The following DAB1 variants were observed in gnomAD, a reference collection of about 807,000 sequenced individuals.
DAB1 encodes DAB adaptor protein 1.
DAB1 carries 15 observed loss-of-function variants against 64.6 expected under a neutral mutation model. The ratio of observed to expected loss-of-function variants is 0.23; its 90% CI spans 0.16 to 0.36. The LOEUF (loss-of-function observed/expected upper bound fraction) is 0.36, where lower values mean the gene tolerates loss of function less well. DAB1 is among the 10% of genes least tolerant of loss of function. The pLI is 1.00. For missense variants in DAB1, 596 were observed against 706.7 expected, an observed-to-expected ratio of 0.84 and a Z score of 1.78; for synonymous variants, 235 against 251.9, an observed-to-expected ratio of 0.93 and a Z score of 0.64.
At chr1:57,935,292 C>T (rs1645009392) in intron 5 of DAB1, among the ~76,000 whole-genome samples, 1 of 152,202 alleles carries the variant, frequency 6.6e-6, no homozygotes, top group Non-Finnish European at 1.5e-5. Flanking sequence ...CTAAACCTCT[C>T]TTTCTGCATC....
chr1:58,169,560 TA>T (rs1656049574), intron 4 of DAB1, among the ~76,000 whole-genome samples: 1 of 152,136 alleles, frequency 6.6e-6, no homozygotes, highest in Admixed American at 6.5e-5. Context: ...ATTACAATAT[TA>T]TTCTGCAGCT....
At chr1:57,799,585 TG>T (rs10718934) in intron 6 of DAB1, among the ~76,000 whole-genome samples, 55,687 of 146,414 alleles carry the variant, frequency 0.38, 10,969 homozygotes, top group South Asian at 0.5. Context: ...AAAAAAGATC[TG>T]GGGGGGGCTT....
intron 5 of DAB1, among the ~76,000 whole-genome samples, chr1:58,066,614 G>A (rs1433866900): frequency 6.6e-6 from 1 of 152,118 alleles, no homozygotes; most frequent in Non-Finnish European, 1.5e-5. Context: ...TGAGTAACTT[G>A]GCCAAGGTTG....
chr1:57,109,262 CT>C (rs1655439344), intron 4 of DAB1, among the ~76,000 whole-genome samples: 1 of 152,226 alleles, frequency 6.6e-6, no homozygotes, highest in African/African-American at 2.4e-5. Flanking sequence ...ACTTTGTCCT[CT>C]TCTCCTCTAG....
rs192216986 is a variant in DAB1 at position 57,924,410 on chromosome 1, C to A, written n.388-40248G>T. ...GGAGTCAGACAGTCATGAAGGTGAA[C>A]CCCTGAATCTCCTAGCTTCTCACTG... On this transcript the variant is annotated intron_variant and non_coding_transcript_variant, in intron 5 of 20. Transcript: ENST00000485760. 2.6e-5 allele frequency among the ~76,000 whole-genome samples: 4 copies of A among 152,264 alleles called. No individual in the cohort carries two copies. The East Asian group carries it at 7.7e-4, about 29-fold the overall frequency.
At chr1:57,730,283 G>A (rs1006034310) in intron 6 of DAB1, among the ~76,000 whole-genome samples, 3 of 152,198 alleles carry the variant, frequency 2.0e-5, no homozygotes, top group African/African-American at 7.2e-5. Context: ...TAATACACTT[G>A]TTCTGTTAGG....
chr1:58,245,649 C>A (rs1660494257), intron 4 of DAB1, among the ~76,000 whole-genome samples: 1 of 151,706 alleles, frequency 6.6e-6, no homozygotes, highest in African/African-American at 2.4e-5. Flanking sequence ...TTTTTTCTGA[C>A]CTGACCAATT....
intron 1 of DAB1, among the ~76,000 whole-genome samples, chr1:57,295,005 T>C (rs1017321111): frequency 6.6e-6 from 1 of 152,174 alleles, no homozygotes; most frequent in Non-Finnish European, 1.5e-5. Flanking sequence ...ATTTCACTTA[T>C]ATGAAATATC....
At chr1:58,461,799 G>A (rs1297184778) in intron 3 of DAB1, among the ~76,000 whole-genome samples, 1 of 152,168 alleles carries the variant, frequency 6.6e-6, no homozygotes, top group Non-Finnish European at 1.5e-5. Flanking sequence ...GATGAGAAAT[G>A]CGCTGATTTT....
At chr1:58,489,180 T>A (rs988721344) in intron 3 of DAB1, among the ~76,000 whole-genome samples, 1 of 152,140 alleles carries the variant, frequency 6.6e-6, no homozygotes, top group East Asian at 1.9e-4. Context: ...GGTCAGGGAA[T>A]TCCCTTTCCT....
intron 1 of DAB1, among the ~76,000 whole-genome samples, chr1:57,399,574 C>T (rs1683075708): frequency 6.6e-6 from 1 of 152,174 alleles, no homozygotes; most frequent in African/African-American, 2.4e-5. Context: ...GACCTAAATG[C>T]CTCTCATCAG....
intron 5 of DAB1, among the ~76,000 whole-genome samples, chr1:57,945,571 C>A (rs1645173469): frequency 6.6e-6 from 1 of 152,080 alleles, no homozygotes; most frequent in Non-Finnish European, 1.5e-5. Context: ...TGTGCCACCA[C>A]ACTTGGCCTG....
chr1:58,293,694 T>C (rs571060506), intron 4 of DAB1, among the ~76,000 whole-genome samples: 1 of 151,844 alleles, frequency 6.6e-6, no homozygotes, highest in African/African-American at 2.4e-5. Context: ...CCCAAGAGGG[T>C]TGTTTGGAAA....
At chr1:58,084,769 A>G (rs1650200321) in intron 5 of DAB1, among the ~76,000 whole-genome samples, 1 of 149,436 alleles carries the variant, frequency 6.7e-6, no homozygotes, top group Non-Finnish European at 1.5e-5. Context: ...AATTTTATAT[A>G]TTACATATTA....
intron 5 of DAB1, among the ~76,000 whole-genome samples, chr1:58,006,287 T>A (rs1646581682): frequency 6.6e-6 from 1 of 152,228 alleles, no homozygotes; most frequent in African/African-American, 2.4e-5. Context: ...GGCAAGTTAC[T>A]TCTTTGTGCC....
intron 6 of DAB1, among the ~76,000 whole-genome samples, chr1:57,813,432 T>C (rs759725801): frequency 1.6e-4 from 24 of 152,204 alleles, no homozygotes; most frequent in Admixed American, 3.3e-4. Context: ...ACACTGTGCA[T>C]TGTATTGGGA....
intron 7 of DAB1, among the ~76,000 whole-genome samples, chr1:57,589,734 G>A (rs1645421751): frequency 6.6e-6 from 1 of 152,060 alleles, no homozygotes; most frequent in Non-Finnish European, 1.5e-5. Flanking sequence ...ACCAGCCTCA[G>A]CAACAGAGTG....
chr1:57,731,225 G>T (rs1331906759), intron 6 of DAB1, among the ~76,000 whole-genome samples: 1 of 152,124 alleles, frequency 6.6e-6, no homozygotes, highest in Non-Finnish European at 1.5e-5. Context: ...TCACATAAGG[G>T]CAAATATTGC....
At chr1:57,316,041 TAGACAAA>T (rs1185260382) in intron 1 of DAB1, among the ~76,000 whole-genome samples, 1 of 152,210 alleles carries the variant, frequency 6.6e-6, no homozygotes, top group Non-Finnish European at 1.5e-5. Flanking sequence ...CGGAAAACTG[TAGACAAA>T]AGCTTAAATT....
Sources: gnomAD v4.1 joint callset for allele counts (sites outside exome capture counted in the v4.1 genomes callset) on GRCh38, gnomAD v4.1.1 for gene constraint, MANE v1.5 for transcripts, NCBI Gene and HGNC (gene_info 2026-07-23, HGNC 2026-07-21) for gene names.